BDP1: variants seen among roughly 807,000 people sequenced by gnomAD.
The protein encoded by BDP1 is BDP1 general transcription factor IIIB subunit.
Under a neutral mutation model 266.6 loss-of-function variants are expected in BDP1, and 169 were observed. The ratio of observed to expected loss-of-function variants is 0.63; its 90% CI spans 0.56 to 0.72. The LOEUF (loss-of-function observed/expected upper bound fraction) is 0.72. Among genes scored for constraint, BDP1 ranks in the 30% least tolerant of loss-of-function variants. BDP1 has a pLI of 0.00. For synonymous variants in BDP1, 1,090 were observed against 1,022.4 expected (o/e 1.07, Z -1.26); for missense variants, 3,015 against 3,053.8 (o/e 0.99, Z 0.30).
chr5:71,549,281 G>A (rs778755347), intron 33 of BDP1, 139 bp from the exon 34 acceptor site: 2 of 721,694 alleles, frequency 2.8e-6, no homozygotes, highest in Non-Finnish European at 4.4e-6. Context: ...AGGCTGGGGG[G>A]TTGTTGGGGG....
chr5:71,538,107 TTTTG>T lies in BDP1; in HGVS notation c.5893-931_5893-928del, dbSNP rs780095641. ...GCATTTATGGAGATGATCATGTGAA[TTTTG>T]TTTTTCATTGTATTTTTTGGACGTT... On this transcript the variant is annotated intron_variant, in intron 26 of 38. Coordinates refer to ENST00000358731, the MANE Select transcript of BDP1 (RefSeq NM_018429.3). Among the ~76,000 whole-genome samples, 153 of 152,356 alleles carry T rather than the reference TTTTG, an allele frequency of 1.0e-3. 1 individual carries two copies. The highest frequency in any genetic ancestry group is 3.4e-3 in the Middle Eastern group (1 of 294).
At chr5:71,481,426 G>C (rs867819208) in intron 7 of BDP1, among the ~76,000 whole-genome samples, 62 of 147,608 alleles carry the variant, frequency 4.2e-4, no homozygotes, top group Admixed American at 2.0e-3. Flanking sequence ...GCCAGGCTTG[G>C]TGGCACACGT....
intron 34 of BDP1, among the ~76,000 whole-genome samples, chr5:71,551,236 T>A (rs921449079): frequency 6.6e-6 from 1 of 152,076 alleles, no homozygotes; most frequent in South Asian, 2.1e-4. Context: ...GGTCTCTGGT[T>A]TTCCTAGGCA....
chr5:71,477,258 A>G (rs1258430422), intron 7 of BDP1, among the ~76,000 whole-genome samples: 1 of 151,660 alleles, frequency 6.6e-6, no homozygotes, highest in Non-Finnish European at 1.5e-5. Context: ...CCTGGGCTCA[A>G]GCAATCCTCC....
chr5:71,536,096 G>A (rs1766581539), intron 26 of BDP1, among the ~76,000 whole-genome samples: 1 of 152,154 alleles, frequency 6.6e-6, no homozygotes, highest in Admixed American at 6.5e-5. Context: ...ATAGAAGCGA[G>A]AGTGGGCATT....
rs966078912 is a variant in BDP1, at chr5:71,516,147, C to T, written c.4736C>T (p.Pro1579Leu). 6.8e-6 allele frequency: 11 copies of T among 1,612,776 alleles called. No homozygotes were observed. The highest frequency in any genetic ancestry group is 2.2e-5 in the South Asian group (2 of 90,878). Residue 1579 changes from proline to leucine, a missense_variant, in exon 21 of 39, where the codon CCG becomes CTG. Pro to Leu is a moderately conservative substitution (Grantham distance 98, BLOSUM62 -3). Around this residue, in one of 3 missense-constraint regions of BDP1, gnomAD observed 2,383 missense variants for 2,404.9 expected, o/e 0.99. Coordinates refer to ENST00000358731, the MANE Select transcript of BDP1 (RefSeq NM_018429.3). Reference protein sequence around the residue: ...ARQVRGRLQRPRPNIRKTGQR... With the variant: ...ARQVRGRLQRLRPNIRKTGQR... ...CAAGTAAGGGGCCGACTTCAGAGAC[C>T]GAGACCAAATATAAGAAAGACAGGA... is the stretch of plus-strand genomic sequence containing the variant.
chr5:71,543,921 C>T (rs1006134257), intron 30 of BDP1, among the ~76,000 whole-genome samples: 22 of 152,044 alleles, frequency 1.4e-4, no homozygotes, highest in Admixed American at 7.9e-4. Flanking sequence ...CCTCTCTCAA[C>T]GTGCAGTCTC....
At chr5:71,512,936 C>G (rs1339442831) in intron 18 of BDP1, among the ~76,000 whole-genome samples, 1 of 151,790 alleles carries the variant, frequency 6.6e-6, no homozygotes, top group African/African-American at 2.4e-5. Context: ...GTGGCACATG[C>G]CTGTAGTCCC....
chr5:71,510,368 A>G lies in BDP1; in HGVS notation c.3276A>G (p.Glu1092=). The G allele has an allele frequency of 6.2e-7, 1 of 1,614,164 alleles. No individual in the cohort carries two copies. The highest frequency in any genetic ancestry group is 1.3e-5 in the African/African-American group (1 of 75,056). The change falls in exon 17 of 39, where the codon GAA becomes GAG. Residue 1092 remains glutamate, a synonymous_variant. Transcript: ENST00000358731. ...TTGAGGAAATAGAGATAGATTTGGA[A>G]GAAACTGAAAGAGAAATATCCCCAC... ...DAIEEIEIDL[E]ETEREISPQE... is the part of the protein sequence containing the mutation.
At chr5:71,569,663 T>A (rs1185984032), downstream of BDP1, among the ~76,000 whole-genome samples, 1 of 152,140 alleles carries the variant, frequency 6.6e-6, no homozygotes. Flanking sequence ...GGAGGATCAC[T>A]TGAGCCCAGA....
chr5:71,496,373 G>GA (rs199764848), intron 12 of BDP1, among the ~76,000 whole-genome samples: 2,925 of 150,810 alleles, frequency 0.019, 38 homozygotes, highest in Middle Eastern at 0.031. Flanking sequence ...TTCAAACATC[G>GA]AAAAGTATAA....
chr5:71,564,810 C>A lies in BDP1; in HGVS notation c.7800C>A (p.Ala2600=), dbSNP rs2112137036. The A allele has an allele frequency of 6.2e-7, 1 of 1,611,426 alleles. No homozygotes were observed. The highest frequency in any genetic ancestry group is 1.7e-5 in the Admixed American group (1 of 59,922). Residue 2600 remains alanine, a synonymous_variant, in exon 39 of 39, where the codon GCC becomes GCA. Transcript: ENST00000358731. Reference sequence around the variant, plus strand: ...GATATAAAAGTGCCCAAAAGCGGGCCCCTCAAGGGGAGGCAACCACAGTCT... The same window carrying A: ...GATATAAAAGTGCCCAAAAGCGGGCACCTCAAGGGGAGGCAACCACAGTCT... ...KEGYKSAQKR[A]PQGEATTVSE...
chr5:71,460,135 T>G (rs1302187206), intron 2 of BDP1, among the ~76,000 whole-genome samples: 1 of 152,126 alleles, frequency 6.6e-6, no homozygotes, highest in African/African-American at 2.4e-5. Context: ...ATCCCAGCAC[T>G]TTGGGAGGCC....
At chr5:71,469,441 C>G (rs1762103049) in intron 6 of BDP1, among the ~76,000 whole-genome samples, 1 of 151,998 alleles carries the variant, frequency 6.6e-6, no homozygotes, top group Non-Finnish European at 1.5e-5. Context: ...TGCGTGGCCT[C>G]TTGTGTATTT....
At position 71,565,060 on chromosome 5, in the gene BDP1, G is replaced by T; in HGVS notation, c.*175G>T. 1.6e-6 allele frequency: 1 copy of T among 610,112 alleles called. No homozygotes were observed. The highest frequency in any genetic ancestry group is 2.7e-6 in the Non-Finnish European group (1 of 367,246). The allele number at this position is 610,112 out of a possible 1,614,324, so 37.8% of individuals were successfully genotyped here. On this transcript the variant is annotated 3_prime_UTR_variant, in exon 39 of 39. Coordinates refer to ENST00000358731, the MANE Select transcript of BDP1 (RefSeq NM_018429.3). ...ATAATCAGTGGAAAACATTTCTGAG[G>T]TTCCTTTCATTCTGACTGATTCAGC...
chr5:71,481,391 G>GAA (rs58798987), intron 7 of BDP1, among the ~76,000 whole-genome samples: 221 of 63,854 alleles, frequency 3.5e-3, no homozygotes, highest in East Asian at 5.7e-3. Flanking sequence ...TCTCTACAAA[G>GAA]AAAAAAAAAA....
intron 4 of BDP1, 96 bp downstream of exon 4, chr5:71,464,213 G>T: frequency 1.3e-6 from 1 of 782,674 alleles, no homozygotes; most frequent in Non-Finnish European, 2.0e-6. Context: ...CATTTGATTG[G>T]GGTTGGGCAC....
intron 11 of BDP1, 83 bp downstream of exon 11, chr5:71,491,214 G>A (rs560276407): frequency 1.5e-6 from 2 of 1,310,596 alleles, no homozygotes; most frequent in South Asian, 2.8e-5. Context: ...TGTAACTGTG[G>A]ATTTGCCTGT....
intron 10 of BDP1, among the ~76,000 whole-genome samples, chr5:71,490,586 A>G (rs1376136546): frequency 6.6e-6 from 1 of 152,206 alleles, no homozygotes; most frequent in African/African-American, 2.4e-5. Flanking sequence ...ATTAAATGAG[A>G]TAATGCATCT....
Sources: gnomAD v4.1 joint callset for allele counts (sites outside exome capture counted in the v4.1 genomes callset) on GRCh38, gnomAD v4.1.1 for gene constraint, gnomAD v4.1.1 regional missense constraint, MANE v1.5 for transcripts, NCBI Gene and HGNC (gene_info 2026-07-23, HGNC 2026-07-21) for gene names.